KIRREL1: variants seen among roughly 807,000 people sequenced by gnomAD.
KIRREL1 encodes the protein kin of IRRE-like protein 1.
In KIRREL1, 25 loss-of-function variants were observed where a neutral mutation model predicts 83.3. The observed-to-expected ratio is 0.30, with a 90% confidence interval of 0.22 to 0.42. The LOEUF is 0.42. KIRREL1 is among the 10% of genes least tolerant of loss of function. KIRREL1 has a pLI of 1.00. For synonymous variants in KIRREL1, 388 were observed against 410.4 expected, an observed-to-expected ratio of 0.95 and a Z score of 0.66; for missense variants, 812 against 1,032.3, an observed-to-expected ratio of 0.79 and a Z score of 2.92.
Position 158,015,646 on chromosome 1 carries a change from CCT to C in KIRREL1, c.52+21919_52+21920del, listed in dbSNP as rs755097753. Among the ~76,000 whole-genome samples, 3 of 150,268 alleles carry C rather than the reference CCT, an allele frequency of 2.0e-5. No individual in the cohort carries two copies. In the East Asian group the frequency reaches 6.6e-4, roughly 33 times the overall value. ...AGGAGAAAGTTCCAGAGCTACTTTA[CCT>C]AAGCTTCTGGTTCATTTTTTTATGG... On this transcript the variant is annotated intron_variant, in intron 1 of 14. Coordinates refer to ENST00000359209, the MANE Select transcript of KIRREL1 (RefSeq NM_018240.7).
In KIRREL1 at chr1:158,033,855, CTG is replaced by C. The variant is rs576142109; in HGVS notation, c.52+40129_52+40130del. On this transcript the variant is annotated intron_variant, in intron 1 of 14. Transcript: ENST00000359209. ...ATTAGCCAGGCATGGTGGCACGTGC[CTG>C]TAATCCCAGCTACTGGGGGGCTGAG... Among the ~76,000 whole-genome samples, 854 of 152,180 alleles carry C rather than the reference CTG, an allele frequency of 5.6e-3. 2 individuals carry two copies. Among genetic ancestry groups the C allele is most frequent in the African/African-American group, 0.012 (510 of 41,526 alleles).
chr1:158,039,175 T>A (rs1004317000), intron 1 of KIRREL1, among the ~76,000 whole-genome samples: 1 of 152,206 alleles, frequency 6.6e-6, no homozygotes, highest in Non-Finnish European at 1.5e-5. Flanking sequence ...AGCCTGCCTA[T>A]GATTTTGCAT....
At chr1:158,052,379 A>C (rs1359353446) in intron 1 of KIRREL1, among the ~76,000 whole-genome samples, 1 of 152,166 alleles carries the variant, frequency 6.6e-6, no homozygotes, top group Admixed American at 6.6e-5. Context: ...TATCTCCTCT[A>C]TGAAGACTAC....
At chr1:158,062,231 G>A (rs1661232964) in intron 1 of KIRREL1, among the ~76,000 whole-genome samples, 1 of 152,188 alleles carries the variant, frequency 6.6e-6, no homozygotes, top group African/African-American at 2.4e-5. Flanking sequence ...GCAGAGCAGG[G>A]AAGAACAAGG....
At chr1:158,074,592 C>A (rs41432146) in intron 1 of KIRREL1, among the ~76,000 whole-genome samples, 31,271 of 152,062 alleles carry the variant, frequency 0.21, 3,345 homozygotes, top group Non-Finnish European at 0.23. Context: ...GAGGAAACCC[C>A]GTACATAGTG....
chr1:158,097,379 C>T lies in KIRREL1; in HGVS notation c.*2259C>T, dbSNP rs1258572177. 2 of 294,198 alleles carry T rather than the reference C, an allele frequency of 6.8e-6. No homozygotes were observed. The highest frequency in any genetic ancestry group is 1.3e-5 in the Non-Finnish European group (2 of 153,414). The allele number at this position is 294,198 out of a possible 1,614,324, so 18.2% of individuals were successfully genotyped here. A position where few individuals can be genotyped will look rare whatever the true frequency, so the allele number is the denominator to read the frequency against. ...TTGGCTAGATTCTCTTATTTATCCC[C>T]TTTTAGCTTAAGTATTAGTTTCATT... On this transcript the variant is annotated 3_prime_UTR_variant, in exon 15 of 15. Coordinates refer to ENST00000359209, the MANE Select transcript of KIRREL1 (RefSeq NM_018240.7).
intron 1 of KIRREL1, among the ~76,000 whole-genome samples, chr1:158,028,446 T>C (rs1660231437): frequency 6.6e-6 from 1 of 152,240 alleles, no homozygotes; most frequent in Non-Finnish European, 1.5e-5. Flanking sequence ...TCCTCTTTAG[T>C]TGTTCCCAAA....
chr1:158,053,247 A>AG (rs764336200), intron 1 of KIRREL1, among the ~76,000 whole-genome samples: 2 of 152,310 alleles, frequency 1.3e-5, no homozygotes, highest in Non-Finnish European at 2.9e-5. Flanking sequence ...TCCATCCCCC[A>AG]GTACAGCACC....
rs1303115012 is a variant in KIRREL1, at chr1:158,095,742, G to A, written c.*622G>A. On this transcript the variant is annotated 3_prime_UTR_variant, in exon 15 of 15. Transcript: ENST00000359209. Reference sequence around the variant, plus strand: ...TGGGATCAAAATGCCAGTCACCTTGGCTACCCACTGTGGACAGCTGTCTGT... The same window carrying A: ...TGGGATCAAAATGCCAGTCACCTTGACTACCCACTGTGGACAGCTGTCTGT... 1 of 152,322 alleles carries A rather than the reference G, an allele frequency of 6.6e-6. No individual in the cohort carries two copies. Among genetic ancestry groups the A allele is most frequent in the Non-Finnish European group, 1.5e-5 (1 of 68,182 alleles). 9.4% of individuals were successfully genotyped at this position (152,322 alleles called of 1,614,324 possible).
intron 3 of KIRREL1, among the ~76,000 whole-genome samples, chr1:158,080,572 G>C (rs6694342): frequency 0.25 from 38,628 of 152,036 alleles, 5,591 homozygotes; most frequent in East Asian, 0.48. Flanking sequence ...AACAGGGAGA[G>C]ACCCCAGGAG....
At chr1:158,074,091 TG>T (rs1342869681) in intron 1 of KIRREL1, among the ~76,000 whole-genome samples, 1 of 152,152 alleles carries the variant, frequency 6.6e-6, no homozygotes, top group Non-Finnish European at 1.5e-5. Context: ...GGACAATGCT[TG>T]AATTAATAAT....
chr1:158,047,724 A>T (rs1192807547), intron 1 of KIRREL1, among the ~76,000 whole-genome samples: 1 of 152,162 alleles, frequency 6.6e-6, no homozygotes, highest in Non-Finnish European at 1.5e-5. Context: ...TATTATAAAG[A>T]TGGAGCTGGG....
chr1:158,064,773 G>T (rs969524299), intron 1 of KIRREL1, among the ~76,000 whole-genome samples: 21 of 152,054 alleles, frequency 1.4e-4, no homozygotes, highest in African/African-American at 5.1e-4. Context: ...CTTTCTTAGA[G>T]GCACTAGTGG....
intron 9 of KIRREL1, 21 bp from the exon 10 acceptor site, chr1:158,089,697 C>T: frequency 1.2e-6 from 2 of 1,614,066 alleles, no homozygotes; most frequent in Non-Finnish European, 1.7e-6. Context: ...CTGGTTCTGA[C>T]TTGTGTCTTC....
At chr1:158,075,518 G>A (rs1661653953) in intron 1 of KIRREL1, among the ~76,000 whole-genome samples, 1 of 152,262 alleles carries the variant, frequency 6.6e-6, no homozygotes, top group Admixed American at 6.5e-5. Context: ...CACCCAGGAA[G>A]CTTCTATACA....
chr1:157,998,619 A>G (rs1170697860), intron 1 of KIRREL1, among the ~76,000 whole-genome samples: 1 of 152,222 alleles, frequency 6.6e-6, no homozygotes, highest in African/African-American at 2.4e-5. Flanking sequence ...AGGCAAAAGA[A>G]GCACTGAGAA....
At chr1:158,023,946 G>T (rs1660077639) in intron 1 of KIRREL1, among the ~76,000 whole-genome samples, 1 of 152,042 alleles carries the variant, frequency 6.6e-6, no homozygotes, top group African/African-American at 2.4e-5. Flanking sequence ...TTTTATTGTT[G>T]TTGTTGTCGT....
At chr1:158,049,947 C>A (rs1248506332) in intron 1 of KIRREL1, among the ~76,000 whole-genome samples, 2 of 152,026 alleles carry the variant, frequency 1.3e-5, no homozygotes, top group Admixed American at 6.6e-5. Flanking sequence ...GTCATCAGAG[C>A]CAGAATCCAC....
chr1:158,008,948 C>T (rs747298418), intron 1 of KIRREL1, among the ~76,000 whole-genome samples: 9 of 152,122 alleles, frequency 5.9e-5, no homozygotes, highest in Admixed American at 2.6e-4. Context: ...CCTGCTGGGC[C>T]CTCCCCTCTG....
Sources: gnomAD v4.1 joint callset for allele counts (sites outside exome capture counted in the v4.1 genomes callset) on GRCh38, gnomAD v4.1.1 for gene constraint, MANE v1.5 for transcripts, NCBI Gene and HGNC (gene_info 2026-07-23, HGNC 2026-07-21) for gene names.